The following SEPTIN9 variants were observed in gnomAD, a reference collection of about 807,000 sequenced individuals.
SEPTIN9 encodes the protein septin 9.
In SEPTIN9, 13 loss-of-function variants were observed where a neutral mutation model predicts 56.6. The observed-to-expected ratio is 0.23, with a 90% CI of 0.15 to 0.37. SEPTIN9 has a LOEUF of 0.37. Ranked by LOEUF, SEPTIN9 falls within the 10% of genes least tolerant of loss-of-function variation. The probability of loss-of-function intolerance (pLI) is 1.00; values close to 1 mark genes in which losing one functional copy is unlikely to be tolerated. For missense variants in SEPTIN9, 650 were observed against 823.1 expected, an observed-to-expected ratio of 0.79 and a Z score of 2.57; for synonymous variants, 332 against 334.1, an observed-to-expected ratio of 0.99 and a Z score of 0.07.
chr17:77,297,510 A>T (rs1246196967), intron 1 of SEPTIN9, among the ~76,000 whole-genome samples: 1 of 152,158 alleles, frequency 6.6e-6, no homozygotes, highest in African/African-American at 2.4e-5. Context: ...AGCCAAACTG[A>T]CACCTGCCGT....
rs534634574 is a variant in SEPTIN9, at chr17:77,496,031, C to CTT, written c.1574-1270_1574-1269dup. Among the ~76,000 whole-genome samples the CTT allele has an allele frequency of 8.6e-4, 120 of 140,218 alleles. 1 individual carries two copies. The highest frequency in any genetic ancestry group is 1.2e-3 in the Non-Finnish European group (79 of 64,214). 92.0% of individuals were successfully genotyped at this position (140,218 alleles called of 152,430 possible). A position where few individuals can be genotyped will look rare whatever the true frequency, so the allele number is the denominator to read the frequency against. ...TTTCTTTTCTTTTCTTTTTCTTTTT[C>CTT]TTTTTTTTTTTTTTTGAGACGAAGT... On this transcript the variant is annotated intron_variant, in intron 10 of 11. Coordinates refer to ENST00000427177, the MANE Select transcript of SEPTIN9 (RefSeq NM_001113491.2).
intron 3 of SEPTIN9, among the ~76,000 whole-genome samples, chr17:77,465,398 T>A (rs1023657199): frequency 1.3e-5 from 2 of 152,224 alleles, no homozygotes; most frequent in African/African-American, 4.8e-5. Context: ...AAGCCATGTG[T>A]CTGCTGAGGG....
At position 77,451,299 on chromosome 17, in the gene SEPTIN9, T is replaced by G. The variant is rs2037957185; in HGVS notation, c.722-30845T>G. 1 of 921,048 alleles carries G rather than the reference T, an allele frequency of 1.1e-6. No individual in the cohort carries two copies. Among genetic ancestry groups the G allele is most frequent in the Admixed American group, 6.2e-5 (1 of 16,202 alleles). 57.1% of individuals were successfully genotyped at this position (921,048 alleles called of 1,614,324 possible). ...GCCGCTGGGCGCCCCTATCTCTGCC[T>G]GCCCCCTCCTCCTGCTCCCCTCGCC... On this transcript the variant is annotated intron_variant, in intron 3 of 11. Coordinates refer to ENST00000427177, the MANE Select transcript of SEPTIN9 (RefSeq NM_001113491.2). This position sits in a 1 kb window ranked among gnomAD's most constrained non-coding sequence, Gnocchi z 4.2.
intron 2 of SEPTIN9, among the ~76,000 whole-genome samples, chr17:77,394,891 G>T (rs8072411): frequency 6.6e-6 from 1 of 152,172 alleles, no homozygotes; most frequent in African/African-American, 2.4e-5. Flanking sequence ...TGCATCTGGA[G>T]GGTGGCCCAC....
At chr17:77,341,144 G>C (rs1389252900) in intron 2 of SEPTIN9, among the ~76,000 whole-genome samples, 2 of 152,018 alleles carry the variant, frequency 1.3e-5, no homozygotes, top group Non-Finnish European at 2.9e-5. Context: ...TTCACAACTT[G>C]GCTAGCTATT....
intron 2 of SEPTIN9, among the ~76,000 whole-genome samples, chr17:77,387,650 C>T (rs2035383811): frequency 6.6e-6 from 1 of 152,164 alleles, no homozygotes; most frequent in Admixed American, 6.5e-5. Context: ...CTCAGGTCCT[C>T]TGAATGGCGG....
chr17:77,356,932 A>G (rs887383572), intron 2 of SEPTIN9, among the ~76,000 whole-genome samples: 6 of 150,970 alleles, frequency 4.0e-5, no homozygotes, highest in Non-Finnish European at 5.9e-5. Context: ...CTTTGGAAAC[A>G]TCCACTAGTG....
At chr17:77,480,528 GC>G (rs1474249764) in intron 3 of SEPTIN9, among the ~76,000 whole-genome samples, 2 of 152,350 alleles carry the variant, frequency 1.3e-5, no homozygotes, top group African/African-American at 4.8e-5. Context: ...CTGGAAGCCT[GC>G]CTCCCACCTT....
chr17:77,469,139 G>A (rs868667807), intron 3 of SEPTIN9: 6 of 152,524 alleles, frequency 3.9e-5, no homozygotes, highest in Non-Finnish European at 7.3e-5. Flanking sequence ...GAGTCAGGCT[G>A]GCACTCAAGT....
At chr17:77,314,669 C>T (rs958375692) in intron 2 of SEPTIN9, among the ~76,000 whole-genome samples, 1 of 152,208 alleles carries the variant, frequency 6.6e-6, no homozygotes, top group Non-Finnish European at 1.5e-5. Flanking sequence ...GCGCAGCACC[C>T]TTCCCCAGTG....
chr17:77,428,726 C>A (rs1446145314), intron 3 of SEPTIN9, among the ~76,000 whole-genome samples: 1 of 151,968 alleles, frequency 6.6e-6, no homozygotes, highest in Non-Finnish European at 1.5e-5. Context: ...CAGGCACAGG[C>A]TGGGAGGGCT....
chr17:77,292,646 A>G (rs1230838132), intron 1 of SEPTIN9, among the ~76,000 whole-genome samples: 2 of 151,966 alleles, frequency 1.3e-5, no homozygotes, highest in African/African-American at 4.8e-5. Flanking sequence ...GGCGCCCGCC[A>G]CCATGCCTGG....
In SEPTIN9 at chr17:77,490,643, C is replaced by T. The variant is rs572566790; in HGVS notation, c.1263-99C>T. 131 of 956,696 alleles carry T rather than the reference C, an allele frequency of 1.4e-4. No individual in the cohort carries two copies. The East Asian group carries it at 2.9e-3, about 21-fold the overall frequency. The allele number at this position is 956,696 out of a possible 1,614,324, so 59.3% of individuals were successfully genotyped here. ...TGCCAGCAGGGACCCCCGTGAGCCC[C>T]GAGCCAGCACCTGAGAGTGTCGACA... On this transcript the variant is annotated intron_variant, in intron 7 of 11. Transcript: ENST00000427177.
At position 77,487,066 on chromosome 17, in the gene SEPTIN9, G is replaced by A. The variant is rs571662294; in HGVS notation, c.914-358G>A. On this transcript the variant is annotated intron_variant, in intron 4 of 11. Transcript: ENST00000427177. This position sits in a 1 kb window ranked among gnomAD's most constrained non-coding sequence, Gnocchi z 4.3. ...ACCCTGGGCAGCCCTGGGCTCCTCCGCCAGCCCGGCCTCTGTCCTGTCCAA... is the reference window on the plus strand; with the variant it reads ...ACCCTGGGCAGCCCTGGGCTCCTCCACCAGCCCGGCCTCTGTCCTGTCCAA... Among the ~76,000 whole-genome samples the A allele has an allele frequency of 1.8e-3, 274 of 152,278 alleles. No individual in the cohort carries two copies. The highest frequency in any genetic ancestry group is 5.0e-3 in the Admixed American group (76 of 15,306).
In SEPTIN9 at chr17:77,318,288, G is replaced by C. The variant is rs1214781129; in HGVS notation, c.76+11091G>C. On this transcript the variant is annotated intron_variant, in intron 2 of 11. Coordinates refer to ENST00000427177, the MANE Select transcript of SEPTIN9 (RefSeq NM_001113491.2). This position sits in a 1 kb window ranked among gnomAD's most constrained non-coding sequence, Gnocchi z 4.9. ...AACACCAGCATCTACAGATCTCTCC[G>C]GGCCCCATCTCCACTTGGCCATCCC... 6.6e-6 allele frequency among the ~76,000 whole-genome samples: 1 copy of C among 151,512 alleles called. No homozygotes were observed. The highest frequency in any genetic ancestry group is 1.5e-5 in the Non-Finnish European group (1 of 67,924).
intron 3 of SEPTIN9, among the ~76,000 whole-genome samples, chr17:77,468,212 C>G (rs1404598484): frequency 6.6e-6 from 1 of 152,140 alleles, no homozygotes; most frequent in South Asian, 2.1e-4. Context: ...TTGCAGTGAG[C>G]CCAGATAGTG....
Position 77,488,411 on chromosome 17 carries a change from G to A in SEPTIN9, c.1124+90G>A, listed in dbSNP as rs866961457. 20 of 1,255,344 alleles carry A rather than the reference G, an allele frequency of 1.6e-5. No homozygotes were observed. In the Middle Eastern group the frequency reaches 7.9e-4, roughly 49 times the overall value. The allele number at this position is 1,255,344 out of a possible 1,614,324, so 77.8% of individuals were successfully genotyped here. A position where few individuals can be genotyped will look rare whatever the true frequency, so the allele number is the denominator to read the frequency against. Reference sequence around the variant, plus strand: ...GTCAGCCCTAGAGGTTTCCCGGCCCGCGGGGGTGCAGGGCCCACCTCCTGG... The same window carrying A: ...GTCAGCCCTAGAGGTTTCCCGGCCCACGGGGGTGCAGGGCCCACCTCCTGG... On this transcript the variant is annotated intron_variant, in intron 6 of 11. Transcript: ENST00000427177.
chr17:77,303,784 G>A (rs937088180), intron 1 of SEPTIN9, among the ~76,000 whole-genome samples: 23 of 151,994 alleles, frequency 1.5e-4, no homozygotes, highest in South Asian at 2.1e-4. Context: ...TCATTGACTC[G>A]GAACAACCTA....
At chr17:77,399,941 G>C (rs1313508643) in intron 2 of SEPTIN9, among the ~76,000 whole-genome samples, 1 of 152,136 alleles carries the variant, frequency 6.6e-6, no homozygotes, top group Admixed American at 6.5e-5. Flanking sequence ...TACAGCCTGT[G>C]GATTTGATTT....
Sources: gnomAD v4.1 joint callset for allele counts (sites outside exome capture counted in the v4.1 genomes callset) on GRCh38, gnomAD v4.1.1 for gene constraint, Gnocchi (gnomAD v3.1) non-coding constraint, MANE v1.5 for transcripts, NCBI Gene and HGNC (gene_info 2026-07-23, HGNC 2026-07-21) for gene names.